STXBP5L: variants seen among roughly 807,000 people sequenced by gnomAD.
STXBP5L encodes syntaxin-binding protein 5-like.
Under a neutral mutation model 144.5 loss-of-function variants are expected in STXBP5L, and 65 were observed. That is an observed-to-expected ratio of 0.45 (90% CI 0.37 to 0.55). The LOEUF (loss-of-function observed/expected upper bound fraction) is 0.55, where lower values mean the gene tolerates loss of function less well. STXBP5L is among the 20% of genes least tolerant of loss of function. The pLI is 0.00. For synonymous variants in STXBP5L, 505 were observed against 469.6 expected, an observed-to-expected ratio of 1.08 and a Z score of -0.97; for missense variants, 1,298 against 1,405.5, an observed-to-expected ratio of 0.92 and a Z score of 1.22.
chr3:121,045,518 T>G lies in STXBP5L; in HGVS notation c.453T>G (p.Leu151=). 1 of 1,612,432 alleles carries G rather than the reference T, an allele frequency of 6.2e-7. No individual in the cohort carries two copies. Among genetic ancestry groups the G allele is most frequent in the Non-Finnish European group, 8.5e-7 (1 of 1,179,190 alleles). The change falls in exon 5 of 27, where the codon CTT becomes CTG. Residue 151 remains leucine (L), a synonymous_variant. Transcript: ENST00000471454. ...AAAGGCCAGCCATACTCCATTCTCT[T>G]AAATTTAACCGGGAACGGTAAGAAC... ...RQKRPAILHS[L]KFNRERITYC... is the part of the protein sequence containing the mutation.
At chr3:121,276,336 CAT>C (rs1382195809) in intron 18 of STXBP5L, among the ~76,000 whole-genome samples, 4 of 152,004 alleles carry the variant, frequency 2.6e-5, no homozygotes, top group Non-Finnish European at 4.4e-5. Context: ...AATTTACTTC[CAT>C]ATGTTATAAA....
chr3:121,380,070 G>A (rs1259086738), intron 21 of STXBP5L, among the ~76,000 whole-genome samples: 2 of 152,070 alleles, frequency 1.3e-5, no homozygotes, highest in Non-Finnish European at 2.9e-5. Flanking sequence ...CTGGCCTCAA[G>A]CACTGGGGTT....
intron 13 of STXBP5L, among the ~76,000 whole-genome samples, chr3:121,239,968 A>ATAACAT (rs1218747237): frequency 7.2e-5 from 11 of 152,150 alleles, no homozygotes; most frequent in African/African-American, 2.4e-4. Flanking sequence ...TATTTGTTAA[A>ATAACAT]TAACATTCTA....
intron 9 of STXBP5L, among the ~76,000 whole-genome samples, chr3:121,198,375 G>C (rs2048004163): frequency 6.6e-6 from 1 of 151,790 alleles, no homozygotes; most frequent in Non-Finnish European, 1.5e-5. Flanking sequence ...TGTAGATTCT[G>C]GATATTAGAC....
intron 3 of STXBP5L, among the ~76,000 whole-genome samples, chr3:120,987,893 G>C (rs552697178): frequency 2.1e-4 from 32 of 151,758 alleles, no homozygotes; most frequent in African/African-American, 7.7e-4. Context: ...TTTGTTAAAT[G>C]TTTGGTAGAA....
At chr3:121,313,954 A>G (rs1328074854) in intron 19 of STXBP5L, among the ~76,000 whole-genome samples, 77 of 149,090 alleles carry the variant, frequency 5.2e-4, no homozygotes, top group Middle Eastern at 3.5e-3. Context: ...CTCACATCCC[A>G]GACAGGGCGG....
At chr3:121,160,279 G>T (rs1559808586) in intron 9 of STXBP5L, among the ~76,000 whole-genome samples, 1 of 151,890 alleles carries the variant, frequency 6.6e-6, no homozygotes, top group Non-Finnish European at 1.5e-5. Context: ...TATTTATTTT[G>T]GGGATCTATT....
rs555087343 is a variant in STXBP5L, at chr3:121,058,855, G to A, written c.470+13320G>A. On this transcript the variant is annotated intron_variant, in intron 5 of 26. Transcript: ENST00000471454. ...TCTTGTAAATTTGTTTAAGTTCTTT[G>A]TAGATTCTGGATATTAGCCTTTGTC... Among the ~76,000 whole-genome samples, 3 of 152,156 alleles carry A rather than the reference G, an allele frequency of 2.0e-5. No homozygotes were observed. The East Asian group carries it at 5.8e-4, about 29-fold the overall frequency.
intron 22 of STXBP5L, among the ~76,000 whole-genome samples, chr3:121,393,258 C>T (rs1039221731): frequency 1.2e-4 from 18 of 150,834 alleles, no homozygotes; most frequent in Non-Finnish European, 3.0e-5. Context: ...ATGTATTTTG[C>T]TCACTTTTTA....
At chr3:120,914,183 A>G (rs1416169445) in intron 2 of STXBP5L, among the ~76,000 whole-genome samples, 7 of 152,040 alleles carry the variant, frequency 4.6e-5, no homozygotes, top group African/African-American at 1.7e-4. Flanking sequence ...ATTGACAGTG[A>G]CAAACACACA....
intron 3 of STXBP5L, among the ~76,000 whole-genome samples, chr3:121,030,899 A>G (rs950702434): frequency 1.3e-5 from 2 of 152,180 alleles, no homozygotes; most frequent in African/African-American, 4.8e-5. Context: ...GGAGTTTATT[A>G]AATGGATATT....
chr3:121,313,243 G>A (rs1256051826), intron 19 of STXBP5L, among the ~76,000 whole-genome samples: 3 of 136,106 alleles, frequency 2.2e-5, no homozygotes, highest in East Asian at 2.3e-4. Flanking sequence ...CCTCCCGGAC[G>A]GGGCGGCTGG....
At chr3:121,208,992 C>A (rs1458292261) in intron 10 of STXBP5L, among the ~76,000 whole-genome samples, 1 of 151,922 alleles carries the variant, frequency 6.6e-6, no homozygotes, top group Non-Finnish European at 1.5e-5. Context: ...TTGTTCGATT[C>A]CCAATTATGA....
intron 7 of STXBP5L, among the ~76,000 whole-genome samples, chr3:121,146,399 T>C (rs1314990963): frequency 6.6e-6 from 1 of 151,870 alleles, no homozygotes; most frequent in South Asian, 2.1e-4. Flanking sequence ...AGTGGAAAAT[T>C]AGGATAAGAA....
intron 3 of STXBP5L, among the ~76,000 whole-genome samples, chr3:121,003,105 G>C (rs1943930797): frequency 6.6e-6 from 1 of 152,126 alleles, no homozygotes; most frequent in African/African-American, 2.4e-5. Context: ...GGTATTTCTA[G>C]TTCTAGATCC....
intron 20 of STXBP5L, among the ~76,000 whole-genome samples, chr3:121,324,816 CA>C (rs2044090303): frequency 6.6e-6 from 1 of 151,970 alleles, no homozygotes; most frequent in African/African-American, 2.4e-5. Context: ...AAATTTTCCA[CA>C]AAATTTTGGT....
At chr3:120,957,301 G>GT (rs1196499279) in intron 3 of STXBP5L, among the ~76,000 whole-genome samples, 3 of 151,948 alleles carry the variant, frequency 2.0e-5, no homozygotes, top group Non-Finnish European at 4.4e-5. Flanking sequence ...TGATCGGATA[G>GT]TTTTTGTTAT....
intron 5 of STXBP5L, among the ~76,000 whole-genome samples, chr3:121,076,865 C>G (rs1204449904): frequency 6.6e-6 from 1 of 152,106 alleles, no homozygotes; most frequent in Non-Finnish European, 1.5e-5. Flanking sequence ...TTGGATCCAC[C>G]AGACTGGGTC....
intron 3 of STXBP5L, among the ~76,000 whole-genome samples, chr3:120,961,054 G>T (rs1358565969): frequency 1.3e-5 from 2 of 151,956 alleles, no homozygotes; most frequent in African/African-American, 4.8e-5. Flanking sequence ...ATCTTGGTAG[G>T]TTGTATATGT....
Sources: allele counts gnomAD v4.1 joint callset (sites outside exome capture counted in the v4.1 genomes callset), GRCh38; gene constraint gnomAD v4.1.1; transcripts MANE v1.5; gene names NCBI Gene and HGNC (gene_info 2026-07-23, HGNC 2026-07-21).